The following VAMP7 variants were observed in gnomAD, a reference collection of about 807,000 sequenced individuals.
VAMP7 encodes vesicle associated membrane protein 7.
In VAMP7, 14 loss-of-function variants were observed where a neutral mutation model predicts 29.6. The ratio of observed to expected loss-of-function variants is 0.47; its 90% CI spans 0.31 to 0.74. The LOEUF is 0.74. Ranked by LOEUF, VAMP7 falls within the 30% of genes least tolerant of loss-of-function variation. The pLI, the probability that VAMP7 is intolerant of heterozygous loss-of-function variation, is 0.05. For synonymous variants in VAMP7, 95 were observed against 88.1 expected (o/e 1.08, Z -0.44); for missense variants, 223 against 262.4 (o/e 0.85, Z 1.04).
intron 6 of VAMP7, among the ~76,000 whole-genome samples, chrX:155,930,664 A>AT (rs200004784): frequency 0.018 from 2,649 of 149,470 alleles, 92 homozygotes; most frequent in African/African-American, 0.061. Flanking sequence ...AAAAAAAAAA[A>AT]TTTTTTTTCT....
intron 2 of VAMP7, among the ~76,000 whole-genome samples, chrX:155,892,928 T>C (rs1244158230): frequency 6.6e-6 from 1 of 151,958 alleles, no homozygotes; most frequent in Non-Finnish European, 1.5e-5. Flanking sequence ...AATTTTTGTA[T>C]TTTTAGTAGA....
intron 5 of VAMP7, among the ~76,000 whole-genome samples, chrX:155,915,839 G>C (rs2066304383): frequency 6.6e-6 from 1 of 152,164 alleles, no homozygotes; most frequent in African/African-American, 2.4e-5. Flanking sequence ...TGTATATTCT[G>C]TTGATTTGGC....
At chrX:155,900,113 A>G (rs1039338574) in intron 4 of VAMP7, among the ~76,000 whole-genome samples, 9 of 151,878 alleles carry the variant, frequency 5.9e-5, no homozygotes, top group African/African-American at 2.2e-4. Context: ...GTGGGGAACA[A>G]TTTTGCAGCA....
At chrX:155,887,612 A>G (rs2065879622) in intron 1 of VAMP7, among the ~76,000 whole-genome samples, 1 of 152,130 alleles carries the variant, frequency 6.6e-6, no homozygotes, top group African/African-American at 2.4e-5. Context: ...AGGAGCAGAG[A>G]TAATGCGTAA....
intron 3 of VAMP7, among the ~76,000 whole-genome samples, chrX:155,896,609 T>C (rs540833732): frequency 6.6e-6 from 1 of 152,172 alleles, no homozygotes; most frequent in Non-Finnish European, 1.5e-5. Flanking sequence ...TACATACTTA[T>C]TTATTCATGT....
At chrX:155,889,405 G>A (rs1380576685) in intron 1 of VAMP7, 53 bp from the exon 2 acceptor site, 30 of 1,578,866 alleles carry the variant, frequency 1.9e-5, no homozygotes, top group Non-Finnish European at 2.4e-5. Flanking sequence ...AGTTACCTTT[G>A]AAAGATTATG....
intron 5 of VAMP7, among the ~76,000 whole-genome samples, chrX:155,908,183 G>A (rs981667487): frequency 1.1e-4 from 16 of 152,336 alleles, no homozygotes; most frequent in Middle Eastern, 3.4e-3. Context: ...CTGCAATCTC[G>A]GCACTTTGGG....
At chrX:155,888,542 C>G (rs984154275) in intron 1 of VAMP7, among the ~76,000 whole-genome samples, 2 of 152,134 alleles carry the variant, frequency 1.3e-5, no homozygotes, top group Non-Finnish European at 2.9e-5. Context: ...TTGTTCATCT[C>G]TTTTTATGTT....
chrX:155,918,399 C>T lies in VAMP7; in HGVS notation c.434-1414C>T, dbSNP rs1304929171. ...CTAGCTCGGTGTCTGCCCAAATGGC[C>T]GCCCAGTTTTGTGCTTGAAACCCAG... is the stretch of plus-strand genomic sequence containing the variant. On this transcript the variant is annotated intron_variant, in intron 5 of 7. Coordinates refer to ENST00000286448, the MANE Select transcript of VAMP7 (RefSeq NM_005638.6). Among the ~76,000 whole-genome samples the T allele has an allele frequency of 9.2e-5, 14 of 152,172 alleles. No homozygotes were observed. The East Asian group carries it at 9.7e-4, about 11-fold the overall frequency.
intron 2 of VAMP7, among the ~76,000 whole-genome samples, chrX:155,891,716 C>T (rs1462876671): frequency 6.6e-6 from 1 of 152,234 alleles, no homozygotes; most frequent in Non-Finnish European, 1.5e-5. Flanking sequence ...CTCCCTCACC[C>T]TTTTTCCCTG....
At chrX:155,891,513 C>A (rs1042186958) in intron 2 of VAMP7, among the ~76,000 whole-genome samples, 4 of 152,122 alleles carry the variant, frequency 2.6e-5, no homozygotes, top group Non-Finnish European at 4.4e-5. Context: ...CCCAGCCTAA[C>A]CCAGTAGACA....
intron 6 of VAMP7, among the ~76,000 whole-genome samples, chrX:155,936,541 G>A (rs1202328609): frequency 2.0e-5 from 3 of 152,158 alleles, no homozygotes; most frequent in Admixed American, 6.5e-5. Context: ...TGCTAAGACC[G>A]TTGGAAAAGC....
chrX:155,912,228 A>G (rs1196851824), intron 5 of VAMP7, among the ~76,000 whole-genome samples: 2 of 152,068 alleles, frequency 1.3e-5, no homozygotes, highest in African/African-American at 2.4e-5. Flanking sequence ...CTTGAACTAT[A>G]TATTTTTATT....
intron 1 of VAMP7, among the ~76,000 whole-genome samples, chrX:155,881,795 G>A (rs1351003995): frequency 6.6e-6 from 1 of 152,104 alleles, no homozygotes; most frequent in Non-Finnish European, 1.5e-5. Flanking sequence ...CTACGTCCTT[G>A]TTCGATGACG....
At chrX:155,917,441 G>A (rs1341713079) in intron 5 of VAMP7, among the ~76,000 whole-genome samples, 1 of 152,088 alleles carries the variant, frequency 6.6e-6, no homozygotes, top group Non-Finnish European at 1.5e-5. Context: ...TCATCTTCAT[G>A]GATTTATCTA....
At chrX:155,930,176 G>A (rs1302914471) in intron 6 of VAMP7, among the ~76,000 whole-genome samples, 2 of 152,092 alleles carry the variant, frequency 1.3e-5, no homozygotes, top group African/African-American at 4.8e-5. Flanking sequence ...TTTTTATTGG[G>A]GTTTCATTAT....
At chrX:155,920,386 T>C (rs2066378262) in intron 6 of VAMP7, among the ~76,000 whole-genome samples, 1 of 152,172 alleles carries the variant, frequency 6.6e-6, no homozygotes, top group South Asian at 2.1e-4. Flanking sequence ...TATACTATGG[T>C]TCCGTATGTC....
chrX:155,918,446 C>T (rs1229997514), intron 5 of VAMP7, among the ~76,000 whole-genome samples: 8 of 152,148 alleles, frequency 5.3e-5, no homozygotes, highest in Non-Finnish European at 1.0e-4. Flanking sequence ...CATAGGCACC[C>T]AAGGGAATCT....
rs765228419 is a variant in VAMP7 at position 155,935,700 on chromosome X, T to A, written c.502-4001T>A. ...TCATCTGAAGCCTTCTTTTCTCAAC[T>A]CGTCAAAGTCATTCTCTGTCTACCT... On this transcript the variant is annotated intron_variant, in intron 6 of 7. Coordinates refer to ENST00000286448, the MANE Select transcript of VAMP7 (RefSeq NM_005638.6). Among the ~76,000 whole-genome samples, 27 of 152,332 alleles carry A rather than the reference T, an allele frequency of 1.8e-4. No individual in the cohort carries two copies. The East Asian group carries it at 4.6e-3, about 26-fold the overall frequency.
Sources: allele counts gnomAD v4.1 joint callset (sites outside exome capture counted in the v4.1 genomes callset), GRCh38; gene constraint gnomAD v4.1.1; transcripts MANE v1.5; gene names NCBI Gene and HGNC (gene_info 2026-07-23, HGNC 2026-07-21).